GRAMD1B: variants seen among roughly 807,000 people sequenced by gnomAD.
GRAMD1B encodes protein Aster-B.
A neutral mutation model predicts 99.7 loss-of-function variants in GRAMD1B; 37 were observed. The ratio of observed to expected loss-of-function variants is 0.37; its 90% CI spans 0.29 to 0.49. The LOEUF (loss-of-function observed/expected upper bound fraction) is 0.49, where lower values mean the gene tolerates loss of function less well. Among genes scored for constraint, GRAMD1B ranks in the 20% least tolerant of loss-of-function variants. GRAMD1B has a pLI of 0.98. For missense variants in GRAMD1B, 888 were observed against 1,009.2 expected (o/e 0.88, Z 1.63); for synonymous variants, 427 against 387.6 (o/e 1.10, Z -1.19).
intron 2 of GRAMD1B, chr11:123,560,341 T>C (rs982370602): frequency 1.7e-6 from 2 of 1,164,514 alleles, no homozygotes; most frequent in Admixed American, 7.7e-5. Context: ...GGGACTTCTG[T>C]AAGGCGGCAC....
intron 2 of GRAMD1B, among the ~76,000 whole-genome samples, chr11:123,570,063 C>T (rs769498381): frequency 9.9e-5 from 15 of 152,194 alleles, no homozygotes; most frequent in Non-Finnish European, 1.6e-4. Flanking sequence ...CTGTTATACC[C>T]GGAGTTGTAA....
chr11:123,415,868 CT>C (rs778024730), intron 1 of GRAMD1B, among the ~76,000 whole-genome samples: 13 of 152,100 alleles, frequency 8.5e-5, no homozygotes, highest in Non-Finnish European at 1.8e-4. Context: ...CTTGGGAGTT[CT>C]AGGTATCATG....
intron 1 of GRAMD1B, among the ~76,000 whole-genome samples, chr11:123,456,320 G>C (rs1281340951): frequency 6.6e-6 from 1 of 152,210 alleles, no homozygotes; most frequent in Non-Finnish European, 1.5e-5. Flanking sequence ...CTGCCCACCA[G>C]GAGTTTGACA....
intron 1 of GRAMD1B, among the ~76,000 whole-genome samples, chr11:123,475,285 T>C (rs1951212198): frequency 6.6e-6 from 1 of 152,212 alleles, no homozygotes; most frequent in Non-Finnish European, 1.5e-5. Context: ...TTGGCTCAGA[T>C]TCCTGTGGAT....
intron 1 of GRAMD1B, among the ~76,000 whole-genome samples, chr11:123,422,537 T>C (rs1400980765): frequency 6.6e-6 from 1 of 152,236 alleles, no homozygotes; most frequent in Non-Finnish European, 1.5e-5. Context: ...TCTCTGGTGT[T>C]TGGCAAACAT....
chr11:123,395,479 C>G (rs992839061), intron 1 of GRAMD1B, among the ~76,000 whole-genome samples: 3 of 152,006 alleles, frequency 2.0e-5, no homozygotes, highest in African/African-American at 7.2e-5. Context: ...ACAACAACAA[C>G]AAAAAGTGAA....
At chr11:123,442,926 A>G (rs117184387) in intron 1 of GRAMD1B, among the ~76,000 whole-genome samples, 4,027 of 151,070 alleles carry the variant, frequency 0.027, 100 homozygotes, top group Middle Eastern at 0.096. Flanking sequence ...GTAAATGGTC[A>G]TGGCGCTGGT....
At chr11:123,406,265 T>A (rs1947853032) in intron 1 of GRAMD1B, among the ~76,000 whole-genome samples, 1 of 151,550 alleles carries the variant, frequency 6.6e-6, no homozygotes. Flanking sequence ...GTTGCTTTTT[T>A]TTTTTTGAGA....
chr11:123,573,001 G>A (rs1948313525), intron 2 of GRAMD1B, among the ~76,000 whole-genome samples: 2 of 149,254 alleles, frequency 1.3e-5, no homozygotes, highest in South Asian at 4.2e-4. Context: ...GATAGGCCCC[G>A]ATGGCTGGGG....
chr11:123,392,078 G>A (rs949190138), intron 1 of GRAMD1B, among the ~76,000 whole-genome samples: 2 of 152,130 alleles, frequency 1.3e-5, no homozygotes, highest in Admixed American at 6.5e-5. Context: ...CATGGATCCT[G>A]GGGGAAGAGC....
At chr11:123,429,586 C>T (rs1213190155), upstream of GRAMD1B, among the ~76,000 whole-genome samples, 1 of 152,112 alleles carries the variant, frequency 6.6e-6, no homozygotes, top group Non-Finnish European at 1.5e-5. The surrounding 1 kb of genome is among the most constrained non-coding windows in gnomAD (Gnocchi z 4.0). Flanking sequence ...GGGTGCTCAC[C>T]GACTCCTCAT....
intron 1 of GRAMD1B, among the ~76,000 whole-genome samples, chr11:123,422,531 T>C (rs1948482799): frequency 6.6e-6 from 1 of 152,246 alleles, no homozygotes; most frequent in South Asian, 2.1e-4. Flanking sequence ...AATATTTCTC[T>C]GGTGTTTGGC....
intron 2 of GRAMD1B, among the ~76,000 whole-genome samples, chr11:123,520,346 G>C (rs1320890417): frequency 6.6e-6 from 1 of 152,136 alleles, no homozygotes; most frequent in East Asian, 1.9e-4. Flanking sequence ...ACAAAATCTT[G>C]TCTAGACCCC....
At chr11:123,609,184 T>A (rs1953181653) in intron 12 of GRAMD1B, among the ~76,000 whole-genome samples, 2 of 152,280 alleles carry the variant, frequency 1.3e-5, no homozygotes, top group South Asian at 4.1e-4. Context: ...ACAGCTACCC[T>A]GTGTGTGGAC....
intron 2 of GRAMD1B, among the ~76,000 whole-genome samples, chr11:123,550,057 T>C (rs1945456866): frequency 6.6e-6 from 1 of 152,170 alleles, no homozygotes; most frequent in Non-Finnish European, 1.5e-5. Flanking sequence ...AGACAGCACT[T>C]CCTGGAGTCC....
rs1378781686 is a variant in GRAMD1B at position 123,624,209 on chromosome 11, C to T, written c.*1614C>T. 2 of 152,184 alleles carry T rather than the reference C, an allele frequency of 1.3e-5. No homozygotes were observed. The highest frequency in any genetic ancestry group is 2.9e-5 in the Non-Finnish European group (2 of 68,028). The allele number at this position is 152,184 out of a possible 1,614,324, so 9.4% of individuals were successfully genotyped here. A position where few individuals can be genotyped will look rare whatever the true frequency, so the allele number is the denominator to read the frequency against. ...CTTCTTGACACAGGGGCAGAAGAAA[C>T]CCCAGATGTCCCAGATGTCCCAGAA... On this transcript the variant is annotated 3_prime_UTR_variant, in exon 20 of 20. Coordinates refer to ENST00000635736, the MANE Select transcript of GRAMD1B (RefSeq NM_001387025.1).
intron 9 of GRAMD1B, 128 bp from the exon 10 acceptor site, chr11:123,605,193 GA>G: frequency 1.7e-6 from 1 of 600,776 alleles, no homozygotes. Context: ...GTTAGAGGAA[GA>G]TCATACACAA....
chr11:123,369,738 G>A (rs545772912), intron 1 of GRAMD1B, among the ~76,000 whole-genome samples: 1 of 151,876 alleles, frequency 6.6e-6, no homozygotes, highest in East Asian at 2.0e-4. Context: ...TGGGTGTGCT[G>A]GTGTGCGCCA....
At chr11:123,446,673 CT>C (rs1949660036) in intron 1 of GRAMD1B, among the ~76,000 whole-genome samples, 1 of 152,110 alleles carries the variant, frequency 6.6e-6, no homozygotes, top group South Asian at 2.1e-4. Context: ...AGAGATGCGA[CT>C]GAAAATGCAG....
Sources: allele counts gnomAD v4.1 joint callset (sites outside exome capture counted in the v4.1 genomes callset), GRCh38; gene constraint gnomAD v4.1.1; non-coding constraint Gnocchi (gnomAD v3.1); transcripts MANE v1.5; gene names NCBI Gene and HGNC (gene_info 2026-07-23, HGNC 2026-07-21).